Variants in PUDP observed in about 807,000 individuals in gnomAD.
The protein encoded by PUDP is pseudouridine 5'-phosphatase, also known as pseudouridine-5'-phosphatase.
PUDP carries 8 observed loss-of-function variants against 9.4 expected under a neutral mutation model. That is an observed-to-expected ratio of 0.85 (90% CI 0.50 to 1.53). The LOEUF is 1.53. Among genes scored for constraint, PUDP ranks in the 40% most tolerant of loss-of-function variants. The pLI, the probability that PUDP is intolerant of heterozygous loss-of-function variation, is 0.00. For synonymous variants in PUDP, 99 were observed against 80.7 expected, an observed-to-expected ratio of 1.23 and a Z score of -1.22; for missense variants, 188 against 189.7, an observed-to-expected ratio of 0.99 and a Z score of 0.05.
At chrX:6,821,588 A>G (rs938478944) in intron 3 of PUDP, among the ~76,000 whole-genome samples, 1 of 111,955 alleles carries the variant, frequency 8.9e-6, no homozygotes, top group African/African-American at 3.2e-5. Flanking sequence ...GGCCCTAATG[A>G]TACAGGAGCT....
chrX:6,911,192 T>C (rs900238819), intron 3 of PUDP, among the ~76,000 whole-genome samples: 33 of 108,408 alleles, frequency 3.0e-4, no homozygotes, highest in Non-Finnish European at 4.0e-4. Flanking sequence ...TTCTTTGATT[T>C]TCTTTTTCTT....
intron 3 of PUDP, among the ~76,000 whole-genome samples, chrX:6,818,198 T>C (rs779917460): frequency 1.1e-4 from 12 of 112,228 alleles, no homozygotes; most frequent in Non-Finnish European, 2.1e-4. Flanking sequence ...TATTTTGAGC[T>C]CTTCCTTCAA....
At position 7,067,362 on chromosome X, in the gene PUDP, C is replaced by G. The variant is rs1930591252; in HGVS notation, c.510+9858G>C. 2.7e-5 allele frequency among the ~76,000 whole-genome samples: 3 copies of G among 111,666 alleles called. No individual in the cohort carries two copies. In the Admixed American group the frequency reaches 2.9e-4, roughly 11 times the overall value. On this transcript the variant is annotated intron_variant, in intron 3 of 3. Transcript: ENST00000381077. ...GGCTGTGAACTAGAAATCAACACTG[C>G]AGTGCCCCAAGTTCCCCAAGAATGA...
At position 7,077,283 on chromosome X, in the gene PUDP, C is replaced by T; in HGVS notation, c.447G>A (p.Lys149=). 2 of 1,207,604 alleles carry T rather than the reference C, an allele frequency of 1.7e-6. No individual in the cohort carries two copies. The highest frequency in any genetic ancestry group is 3.0e-5 in the East Asian group (1 of 33,676). ...LGDDPEVQHG[K]PDPDIFLACA... ...AAGCTAGGAAGATGTCCGGGTCTGG[C>T]TTGCCATGCTGCACTTCGGGGTCAT... Residue 149 remains lysine (K), a synonymous_variant, in exon 3 of 4, where the codon AAG becomes AAA. Coordinates refer to ENST00000381077, the MANE Select transcript of PUDP (RefSeq NM_012080.5).
At chrX:6,966,543 A>ACAT (rs1928787585) in intron 3 of PUDP, among the ~76,000 whole-genome samples, 1 of 65,892 alleles carries the variant, frequency 1.5e-5, no homozygotes, top group East Asian at 5.6e-4. Context: ...GATCGCCTTC[A>ACAT]TATTTTTTTT....
chrX:6,976,723 A>C (rs893941294), intron 3 of PUDP, among the ~76,000 whole-genome samples: 3 of 111,713 alleles, frequency 2.7e-5, no homozygotes, highest in Non-Finnish European at 5.6e-5. Context: ...TTCCTTAGAG[A>C]ATTCTGAATG....
At chrX:6,880,557 T>C (rs961026184) in intron 3 of PUDP, among the ~76,000 whole-genome samples, 1 of 112,279 alleles carries the variant, frequency 8.9e-6, no homozygotes, top group African/African-American at 3.2e-5. Flanking sequence ...ATTAACTATT[T>C]CTTGTTTACT....
intron 3 of PUDP, among the ~76,000 whole-genome samples, chrX:6,916,439 G>A (rs1927936844): frequency 9.8e-6 from 1 of 101,912 alleles, no homozygotes; most frequent in African/African-American, 3.6e-5. Flanking sequence ...ATTATGAGTA[G>A]TCATCAGAAC....
intron 3 of PUDP, among the ~76,000 whole-genome samples, chrX:6,764,076 A>G (rs910411683): frequency 4.5e-5 from 5 of 111,944 alleles, no homozygotes; most frequent in African/African-American, 1.6e-4. Context: ...CTTCATATCC[A>G]GTAGGGATTT....
At chrX:7,103,720 A>G (rs1280309276) in intron 2 of PUDP, among the ~76,000 whole-genome samples, 1 of 112,475 alleles carries the variant, frequency 8.9e-6, no homozygotes, top group Non-Finnish European at 1.9e-5. Context: ...AAACACAAAA[A>G]TCAAAAATAA....
chrX:6,756,518 T>C (rs1388013310), intron 3 of PUDP, among the ~76,000 whole-genome samples: 1 of 112,283 alleles, frequency 8.9e-6, no homozygotes, highest in Non-Finnish European at 1.9e-5. Context: ...TTGCACAACT[T>C]TGTGAACAAA....
chrX:6,751,820 A>C (rs963884096), intron 3 of PUDP, among the ~76,000 whole-genome samples: 2 of 111,238 alleles, frequency 1.8e-5, no homozygotes, highest in Non-Finnish European at 3.8e-5. Context: ...AATTTAGCCG[A>C]GCACTCAAGC....
chrX:6,717,655 T>G (rs1924615771), intron 1 of PUDP, among the ~76,000 whole-genome samples: 1 of 111,657 alleles, frequency 9.0e-6, no homozygotes, highest in Non-Finnish European at 1.9e-5. Flanking sequence ...GCAAAGAACT[T>G]TTGCAGATGT....
chrX:6,836,913 C>G (rs1602639749), intron 3 of PUDP, among the ~76,000 whole-genome samples: 1 of 112,006 alleles, frequency 8.9e-6, no homozygotes, highest in East Asian at 2.8e-4. Context: ...AGCCCAAATT[C>G]CTATTTTCTG....
At chrX:6,813,124 AAAGAAG>A (rs1324828604) in intron 3 of PUDP, among the ~76,000 whole-genome samples, 2 of 109,704 alleles carry the variant, frequency 1.8e-5, no homozygotes, top group Non-Finnish European at 3.8e-5. Context: ...AAGAGAGAGA[AAAGAAG>A]AAGAAGGAGA....
At chrX:6,916,191 TACACACACACACACACACACACAC>T (rs747162229) in intron 3 of PUDP, among the ~76,000 whole-genome samples, 10 of 69,832 alleles carry the variant, frequency 1.4e-4, no homozygotes, top group East Asian at 9.7e-4. Flanking sequence ...ATGCTTTTTC[TACACACACACACACACACACACAC>T]ACACACACAC....
At chrX:7,085,021 C>T (rs1157001589) in intron 2 of PUDP, 1 of 112,079 alleles carries the variant, frequency 8.9e-6, no homozygotes, top group African/African-American at 3.2e-5. Flanking sequence ...AAAATGTGTA[C>T]CCAGAGAGCA....
At chrX:7,117,175 T>C (rs1224986130) in intron 1 of PUDP, 14 of 928,238 alleles carry the variant, frequency 1.5e-5, no homozygotes, top group Non-Finnish European at 2.0e-5. Flanking sequence ...CCTGAAAATA[T>C]GGAAGTGACT....
intron 2 of PUDP, among the ~76,000 whole-genome samples, chrX:7,091,452 C>CCT (rs1171070973): frequency 1.1e-4 from 12 of 111,771 alleles, no homozygotes; most frequent in Non-Finnish European, 2.3e-4. Flanking sequence ...AATTCTCCTG[C>CCT]CTCAGCCTCT....
Sources: allele counts gnomAD v4.1 joint callset (sites outside exome capture counted in the v4.1 genomes callset), GRCh38; gene constraint gnomAD v4.1.1; transcripts MANE v1.5; gene names NCBI Gene and HGNC (gene_info 2026-07-23, HGNC 2026-07-21).